The following CCSER1 variants were observed in gnomAD, a reference collection of about 807,000 sequenced individuals.
CCSER1 encodes serine-rich coiled-coil domain-containing protein 1.
In CCSER1, 41 loss-of-function variants were observed where a neutral mutation model predicts 82.0. The ratio of observed to expected loss-of-function variants is 0.50; its 90% CI spans 0.39 to 0.65. CCSER1 has a LOEUF of 0.65. Among genes scored for constraint, CCSER1 ranks in the 30% least tolerant of loss-of-function variants. CCSER1 has a pLI of 0.00. For synonymous variants in CCSER1, 414 were observed against 383.9 expected, an observed-to-expected ratio of 1.08 and a Z score of -0.92; for missense variants, 1,119 against 1,064.2, an observed-to-expected ratio of 1.05 and a Z score of -0.72.
intron 8 of CCSER1, among the ~76,000 whole-genome samples, chr4:90,913,077 CAGG>C (rs1480059497): frequency 6.6e-6 from 1 of 152,140 alleles, no homozygotes; most frequent in Non-Finnish European, 1.5e-5. Flanking sequence ...GGATATTATC[CAGG>C]AGAACTTCCC....
chr4:91,256,042 A>C (rs529341791), intron 10 of CCSER1, among the ~76,000 whole-genome samples: 1 of 152,190 alleles, frequency 6.6e-6, no homozygotes, highest in East Asian at 1.9e-4. Context: ...TATTTCTCTT[A>C]TTACCAAAAA....
At chr4:90,213,060 C>T (rs989987574) in intron 1 of CCSER1, among the ~76,000 whole-genome samples, 5 of 152,040 alleles carry the variant, frequency 3.3e-5, no homozygotes, top group Non-Finnish European at 5.9e-5. Flanking sequence ...AAAGGTTATG[C>T]GTGCTTTATA....
At chr4:90,292,217 AAC>A (rs1731066381) in intron 1 of CCSER1, among the ~76,000 whole-genome samples, 1 of 151,934 alleles carries the variant, frequency 6.6e-6, no homozygotes, top group Non-Finnish European at 1.5e-5. Flanking sequence ...AATGGCTTAT[AAC>A]ACATTATTTT....
chr4:90,294,007 T>C (rs1324778781), intron 1 of CCSER1, among the ~76,000 whole-genome samples: 1 of 152,078 alleles, frequency 6.6e-6, no homozygotes, highest in East Asian at 1.9e-4. Flanking sequence ...GAGTGAATTA[T>C]TTGTGTCTTA....
chr4:91,172,765 T>G (rs189409450), intron 10 of CCSER1, among the ~76,000 whole-genome samples: 1 of 152,164 alleles, frequency 6.6e-6, no homozygotes, highest in South Asian at 2.1e-4. Context: ...ATAAAATCTT[T>G]ATGTGACACA....
chr4:90,833,525 T>C (rs1761399882), intron 8 of CCSER1, among the ~76,000 whole-genome samples: 1 of 152,142 alleles, frequency 6.6e-6, no homozygotes, highest in South Asian at 2.1e-4. Flanking sequence ...TTTTTGGCAA[T>C]AATAAAAGAC....
intron 5 of CCSER1, among the ~76,000 whole-genome samples, chr4:90,617,838 AT>A (rs145067089): frequency 0.01 from 1,586 of 152,122 alleles, 12 homozygotes; most frequent in Non-Finnish European, 0.014. Flanking sequence ...AATCTCAAGG[AT>A]TTTTTTGTTT....
At chr4:91,207,519 T>C (rs1736446794) in intron 10 of CCSER1, among the ~76,000 whole-genome samples, 10 of 151,922 alleles carry the variant, frequency 6.6e-5, no homozygotes, top group Admixed American at 6.6e-4. Context: ...CTAAGGATAA[T>C]GGCCTCCAGT....
chr4:91,213,618 A>C (rs374070660), intron 10 of CCSER1, among the ~76,000 whole-genome samples: 1 of 152,270 alleles, frequency 6.6e-6, no homozygotes. Flanking sequence ...AGAATGGACA[A>C]ATTTGATTTA....
At position 90,898,671 on chromosome 4, in the gene CCSER1, C is replaced by T. The variant is rs1353445465; in HGVS notation, c.2095-24699C>T. ...GTTTAATTCTTCTGTATATAGCTAG[C>T]TAGTTCTCTCAGCACCATTTATTGA... On this transcript the variant is annotated intron_variant, in intron 8 of 10. Coordinates refer to ENST00000509176, the MANE Select transcript of CCSER1 (RefSeq NM_001145065.2). Among the ~76,000 whole-genome samples the T allele has an allele frequency of 2.0e-5, 3 of 151,906 alleles. No homozygotes were observed. The East Asian group carries it at 5.8e-4, about 29-fold the overall frequency.
chr4:90,622,541 A>G (rs1378252251), intron 5 of CCSER1, among the ~76,000 whole-genome samples: 2 of 152,058 alleles, frequency 1.3e-5, no homozygotes, highest in African/African-American at 4.8e-5. Context: ...TCCTTGCGAT[A>G]GTTTGCTGAA....
At chr4:90,285,405 G>A (rs1408741104) in intron 1 of CCSER1, among the ~76,000 whole-genome samples, 1 of 151,856 alleles carries the variant, frequency 6.6e-6, no homozygotes, top group Non-Finnish European at 1.5e-5. Context: ...TCTAGTTATT[G>A]TAAATGGGAT....
chr4:91,411,528 AAT>A (rs1753051081), intron 10 of CCSER1, among the ~76,000 whole-genome samples: 11 of 126,116 alleles, frequency 8.7e-5, no homozygotes, highest in African/African-American at 2.8e-4. Context: ...ATATATATAA[AAT>A]CTTGACTAGT....
At chr4:90,710,929 C>T (rs1048014710) in intron 6 of CCSER1, among the ~76,000 whole-genome samples, 1 of 152,086 alleles carries the variant, frequency 6.6e-6, no homozygotes, top group Non-Finnish European at 1.5e-5. Context: ...GAAGTATGGT[C>T]ATTCAGATGA....
intron 10 of CCSER1, among the ~76,000 whole-genome samples, chr4:91,499,414 C>A (rs746434385): frequency 6.6e-6 from 1 of 151,870 alleles, no homozygotes; most frequent in Non-Finnish European, 1.5e-5. Context: ...CACAGCCACC[C>A]CACTGTGGAC....
At chr4:90,559,244 T>C (rs578064224) in intron 5 of CCSER1, among the ~76,000 whole-genome samples, 1 of 152,276 alleles carries the variant, frequency 6.6e-6, no homozygotes, top group South Asian at 2.1e-4. Context: ...TGCTCCCTAC[T>C]TTTTTTATAG....
At chr4:90,193,009 C>T (rs1321040962) in intron 1 of CCSER1, among the ~76,000 whole-genome samples, 1 of 152,102 alleles carries the variant, frequency 6.6e-6, no homozygotes, top group Non-Finnish European at 1.5e-5. Context: ...CCTATTACCA[C>T]CTCAGCATGC....
chr4:91,205,292 AAC>A (rs1465740910), intron 10 of CCSER1, among the ~76,000 whole-genome samples: 6 of 151,846 alleles, frequency 4.0e-5, no homozygotes, highest in Non-Finnish European at 7.4e-5. Context: ...CTGTCTAATG[AAC>A]ACACACATTG....
At position 90,155,728 on chromosome 4, in the gene CCSER1, T is replaced by C. The variant is rs147679478; in HGVS notation, c.-42+27897T>C. Reference sequence around the variant, plus strand: ...TTTCTGTGGGATCGTATCCCCTTTATCATTTTTTATTGCGTTTATTTGATT... The same window carrying C: ...TTTCTGTGGGATCGTATCCCCTTTACCATTTTTTATTGCGTTTATTTGATT... On this transcript the variant is annotated intron_variant, in intron 1 of 10. Transcript: ENST00000509176. Among the ~76,000 whole-genome samples, 969 of 152,236 alleles carry C rather than the reference T, an allele frequency of 6.4e-3. 12 individuals are homozygous for C. The highest frequency in any genetic ancestry group is 0.031 in the Middle Eastern group (9 of 294).
Sources: gnomAD v4.1 joint callset for allele counts (sites outside exome capture counted in the v4.1 genomes callset) on GRCh38, gnomAD v4.1.1 for gene constraint, MANE v1.5 for transcripts, NCBI Gene and HGNC (gene_info 2026-07-23, HGNC 2026-07-21) for gene names.